SCFD2: variants seen among roughly 807,000 people sequenced by gnomAD.
SCFD2 encodes sec1 family domain-containing protein 2.
A neutral mutation model predicts 58.9 loss-of-function variants in SCFD2; 54 were observed. That is an observed-to-expected ratio of 0.92 (90% confidence interval 0.74 to 1.15). SCFD2 has a LOEUF of 1.15. SCFD2 is among the 50% of genes most tolerant of loss of function. The pLI, the probability that SCFD2 is intolerant of heterozygous loss-of-function variation, is 0.00. For synonymous variants in SCFD2, 321 were observed against 335.9 expected (o/e 0.96, Z 0.49); for missense variants, 805 against 836.6 (o/e 0.96, Z 0.47).
intron 5 of SCFD2, among the ~76,000 whole-genome samples, chr4:53,109,198 G>A (rs28799619): frequency 0.017 from 2,569 of 152,188 alleles, 78 homozygotes; most frequent in African/African-American, 0.059. Context: ...CATAAACTAG[G>A]TATTGATAAA....
At chr4:53,047,584 A>G (rs1723074433) in intron 5 of SCFD2, among the ~76,000 whole-genome samples, 1 of 152,222 alleles carries the variant, frequency 6.6e-6, no homozygotes, top group South Asian at 2.1e-4. Flanking sequence ...ACACTAATGC[A>G]CACACATGTA....
intron 5 of SCFD2, chr4:52,948,498 A>C (rs1374692023): frequency 4.4e-6 from 2 of 456,434 alleles, no homozygotes; most frequent in Non-Finnish European, 8.8e-6. Context: ...GGTTATCTTG[A>C]AGATGCCAAT....
At chr4:53,283,101 A>G (rs1159947322) in intron 3 of SCFD2, among the ~76,000 whole-genome samples, 1 of 152,208 alleles carries the variant, frequency 6.6e-6, no homozygotes, top group Non-Finnish European at 1.5e-5. Context: ...GTATATATCC[A>G]TGTACTCACC....
chr4:52,882,652 A>G (rs1257157920), intron 8 of SCFD2, among the ~76,000 whole-genome samples: 2 of 152,144 alleles, frequency 1.3e-5, no homozygotes, highest in East Asian at 3.8e-4. Context: ...CATCTTTCTC[A>G]TATGCTGGAT....
intron 5 of SCFD2, among the ~76,000 whole-genome samples, chr4:53,075,522 C>A (rs1046283029): frequency 6.6e-6 from 1 of 152,182 alleles, no homozygotes; most frequent in African/African-American, 2.4e-5. Context: ...CTTCACCAAG[C>A]TTAATCATCA....
intron 4 of SCFD2, among the ~76,000 whole-genome samples, chr4:53,168,099 A>G (rs1012572758): frequency 1.1e-4 from 17 of 152,202 alleles, no homozygotes; most frequent in Non-Finnish European, 2.9e-5. Flanking sequence ...ACAAAAACCA[A>G]CCAGTGAGCT....
intron 5 of SCFD2, among the ~76,000 whole-genome samples, chr4:52,989,243 T>G (rs1437276983): frequency 2.0e-5 from 3 of 152,368 alleles, no homozygotes; most frequent in East Asian, 3.9e-4. Flanking sequence ...GTGGATTATC[T>G]TATTAGTCCT....
Position 52,907,440 on chromosome 4 carries a change from C to T in SCFD2, c.1842+17G>A. 3 of 1,613,092 alleles carry T rather than the reference C, an allele frequency of 1.9e-6. No individual in the cohort carries two copies. The highest frequency in any genetic ancestry group is 2.5e-6 in the Non-Finnish European group (3 of 1,179,114). On this transcript the variant is annotated intron_variant, in intron 7 of 8. Coordinates refer to ENST00000401642, the MANE Select transcript of SCFD2 (RefSeq NM_152540.4). Reference sequence around the variant, plus strand: ...AACATTTCTACACTCAGGATTACCTCTCCATGGTTACTTTACCTTCATGAA... The same window carrying T: ...AACATTTCTACACTCAGGATTACCTTTCCATGGTTACTTTACCTTCATGAA...
At position 53,166,322 on chromosome 4, in the gene SCFD2, G is replaced by T. The variant is rs1437422225; in HGVS notation, c.1312-20740C>A. Among the ~76,000 whole-genome samples, 3 of 152,324 alleles carry T rather than the reference G, an allele frequency of 2.0e-5. No individual in the cohort carries two copies. The East Asian group carries it at 5.8e-4, about 29-fold the overall frequency. On this transcript the variant is annotated intron_variant, in intron 4 of 8. Transcript: ENST00000401642. ...AAAAAAACAGGAGGCGACCTCAGAG[G>T]TCATGACATTTAATCTTTGTCAATA... is the stretch of plus-strand genomic sequence containing the variant.
intron 5 of SCFD2, among the ~76,000 whole-genome samples, chr4:53,054,644 G>GT (rs5858204): frequency 2.6e-4 from 39 of 147,818 alleles, no homozygotes; most frequent in South Asian, 6.5e-4. Context: ...AAAAAAAAGA[G>GT]TTTTTTTTTT....
chr4:53,134,210 G>A (rs374552254), intron 5 of SCFD2, among the ~76,000 whole-genome samples: 1 of 152,144 alleles, frequency 6.6e-6, no homozygotes, highest in African/African-American at 2.4e-5. Flanking sequence ...TAATCAATGG[G>A]CATAAAGTTT....
At chr4:53,163,090 T>G (rs1726902972) in intron 4 of SCFD2, among the ~76,000 whole-genome samples, 1 of 152,092 alleles carries the variant, frequency 6.6e-6, no homozygotes, top group Admixed American at 6.5e-5. Flanking sequence ...TGCAGAAACC[T>G]GCAGGCTCAG....
chr4:52,902,685 A>G (rs1361966902), intron 7 of SCFD2, among the ~76,000 whole-genome samples: 1 of 152,198 alleles, frequency 6.6e-6, no homozygotes, highest in Non-Finnish European at 1.5e-5. Flanking sequence ...TGAGTGCTTT[A>G]TATGCATTCA....
At chr4:52,905,343 A>G (rs768285073) in intron 7 of SCFD2, among the ~76,000 whole-genome samples, 15 of 152,186 alleles carry the variant, frequency 9.9e-5, no homozygotes, top group Non-Finnish European at 1.9e-4. Context: ...TCTTTGCTCT[A>G]CTGTGTGGAA....
intron 3 of SCFD2, among the ~76,000 whole-genome samples, chr4:53,299,273 AC>A (rs1393353506): frequency 1.3e-5 from 2 of 152,236 alleles, no homozygotes; most frequent in Non-Finnish European, 1.5e-5. Flanking sequence ...GCTGAAAACC[AC>A]GGCACGAGAA....
chr4:53,110,206 T>C (rs1249634437), intron 5 of SCFD2, among the ~76,000 whole-genome samples: 2 of 152,202 alleles, frequency 1.3e-5, no homozygotes, highest in African/African-American at 2.4e-5. Flanking sequence ...AAACTGAAAC[T>C]GGATCCCTTC....
chr4:53,226,079 G>C (rs1482704955), intron 4 of SCFD2, among the ~76,000 whole-genome samples: 2 of 152,100 alleles, frequency 1.3e-5, no homozygotes, highest in Non-Finnish European at 2.9e-5. Context: ...TGGGATTACA[G>C]ATATGAGCCA....
At chr4:53,275,683 C>T (rs1731305591) in intron 3 of SCFD2, among the ~76,000 whole-genome samples, 1 of 152,126 alleles carries the variant, frequency 6.6e-6, no homozygotes, top group Non-Finnish European at 1.5e-5. Context: ...TCCCTAGTTC[C>T]AGCCCTGTTG....
At chr4:52,968,195 C>A (rs1317263467) in intron 5 of SCFD2, among the ~76,000 whole-genome samples, 1 of 152,218 alleles carries the variant, frequency 6.6e-6, no homozygotes, top group East Asian at 1.9e-4. Flanking sequence ...TAGACCGGGG[C>A]TACTGTGTGC....
Sources: allele counts gnomAD v4.1 joint callset (sites outside exome capture counted in the v4.1 genomes callset), GRCh38; gene constraint gnomAD v4.1.1; transcripts MANE v1.5; gene names NCBI Gene and HGNC (gene_info 2026-07-23, HGNC 2026-07-21).